CDYL2: variants seen among roughly 807,000 people sequenced by gnomAD.
CDYL2 encodes chromodomain Y-like protein 2.
A neutral mutation model predicts 49.4 loss-of-function variants in CDYL2; 23 were observed. The ratio of observed to expected loss-of-function variants is 0.47; its 90% confidence interval spans 0.34 to 0.66. The LOEUF (loss-of-function observed/expected upper bound fraction) is 0.66. Among genes scored for constraint, CDYL2 ranks in the 30% least tolerant of loss-of-function variants. The pLI is 0.01. For missense variants in CDYL2, 678 were observed against 656.4 expected, an observed-to-expected ratio of 1.03 and a Z score of -0.36; for synonymous variants, 360 against 268.8, an observed-to-expected ratio of 1.34 and a Z score of -3.32.
chr16:80,775,424 A>G (rs2142399241), intron 1 of CDYL2, among the ~76,000 whole-genome samples: 1 of 152,098 alleles, frequency 6.6e-6, no homozygotes, highest in South Asian at 2.1e-4. Flanking sequence ...GAAGAAATAA[A>G]GTGTCTAAGG....
chr16:80,608,024 C>T, intron 6 of CDYL2, 68 bp downstream of exon 6: 2 of 1,480,044 alleles, frequency 1.4e-6, no homozygotes, highest in Non-Finnish European at 1.8e-6. Flanking sequence ...GCCCTCTGAG[C>T]CTTGCTGTCT....
intron 2 of CDYL2, among the ~76,000 whole-genome samples, chr16:80,677,467 A>G (rs913209947): frequency 9.2e-5 from 14 of 152,116 alleles, no homozygotes; most frequent in Admixed American, 2.0e-4. Context: ...GGCCAGGCGC[A>G]GTGGCGCACG....
intron 2 of CDYL2, among the ~76,000 whole-genome samples, chr16:80,670,732 C>G (rs1452225830): frequency 6.6e-6 from 1 of 152,088 alleles, no homozygotes; most frequent in Non-Finnish European, 1.5e-5. Flanking sequence ...GATTTTCTTT[C>G]TGGGACAGGA....
intron 3 of CDYL2, among the ~76,000 whole-genome samples, chr16:80,629,235 T>C (rs1192730083): frequency 6.6e-6 from 1 of 152,152 alleles, no homozygotes; most frequent in Admixed American, 6.5e-5. Context: ...GCCTGCCTTA[T>C]GCAGAATGGA....
At chr16:80,636,654 C>A (rs1212752502) in intron 2 of CDYL2, among the ~76,000 whole-genome samples, 1 of 152,126 alleles carries the variant, frequency 6.6e-6, no homozygotes, top group Non-Finnish European at 1.5e-5. Context: ...GGCGATTCCT[C>A]AAGGATCTAG....
chr16:80,607,034 A>G (rs1200011078), intron 6 of CDYL2, among the ~76,000 whole-genome samples: 1 of 152,172 alleles, frequency 6.6e-6, no homozygotes, highest in Admixed American at 6.5e-5. Flanking sequence ...CAGGATTTTC[A>G]GTCCTCACAC....
chr16:80,751,492 G>C (rs1906135776), intron 1 of CDYL2, among the ~76,000 whole-genome samples: 1 of 152,210 alleles, frequency 6.6e-6, no homozygotes, highest in Admixed American at 6.5e-5. Context: ...GCTTTCAACA[G>C]TTTTACAGAG....
chr16:80,771,192 A>T (rs188028859), intron 1 of CDYL2, among the ~76,000 whole-genome samples: 19 of 152,340 alleles, frequency 1.2e-4, no homozygotes, highest in African/African-American at 4.6e-4. Context: ...AAGTAAAACC[A>T]CACTAGGCCT....
intron 1 of CDYL2, among the ~76,000 whole-genome samples, chr16:80,700,720 GA>G (rs1237029679): frequency 1.3e-5 from 2 of 152,200 alleles, no homozygotes; most frequent in African/African-American, 4.8e-5. Flanking sequence ...ACCCTTTAGG[GA>G]AGGTAATTTA....
intron 2 of CDYL2, among the ~76,000 whole-genome samples, chr16:80,674,238 T>C (rs1043920157): frequency 8.5e-5 from 13 of 152,170 alleles, no homozygotes; most frequent in Non-Finnish European, 1.8e-4. Context: ...TCTGTGACAC[T>C]TGGACTAACT....
intron 1 of CDYL2, among the ~76,000 whole-genome samples, chr16:80,691,650 G>C (rs1037943055): frequency 2.0e-5 from 3 of 152,160 alleles, no homozygotes; most frequent in African/African-American, 4.8e-5. Context: ...TAAAACATAA[G>C]AACATGATCA....
intron 1 of CDYL2, among the ~76,000 whole-genome samples, chr16:80,785,237 CCTT>C (rs1376115607): frequency 6.6e-6 from 1 of 152,150 alleles, no homozygotes; most frequent in Non-Finnish European, 1.5e-5. Flanking sequence ...CCCAAAATCT[CCTT>C]AAGCTGATAA....
intron 1 of CDYL2, among the ~76,000 whole-genome samples, chr16:80,743,690 G>A (rs1159675096): frequency 6.6e-6 from 1 of 151,832 alleles, no homozygotes; most frequent in East Asian, 1.9e-4. Context: ...TTTGTTTTTT[G>A]GGGGTTTTTT....
chr16:80,769,514 G>A (rs1363008133), intron 1 of CDYL2, among the ~76,000 whole-genome samples: 1 of 152,198 alleles, frequency 6.6e-6, no homozygotes, highest in Non-Finnish European at 1.5e-5. Flanking sequence ...AGCCAAGTGG[G>A]TTAGAGAATG....
Position 80,634,689 on chromosome 16 carries a change from A to AAT in CDYL2, c.617-1454_617-1453insAT, listed in dbSNP as rs1907737018. ...AGGATAATAAAGAAATACTAAGAAA[A>AAT]ACTGCTCTGCCCATGTATTTGATAA... is the stretch of plus-strand genomic sequence containing the variant. On this transcript the variant is annotated intron_variant, in intron 2 of 6. Transcript: ENST00000570137. Among the ~76,000 whole-genome samples the AAT allele has an allele frequency of 3.3e-5, 5 of 152,264 alleles. No homozygotes were observed. In the South Asian group the frequency reaches 1.0e-3, roughly 32 times the overall value.
At chr16:80,754,282 C>A (rs896178655) in intron 1 of CDYL2, among the ~76,000 whole-genome samples, 1 of 152,148 alleles carries the variant, frequency 6.6e-6, no homozygotes, top group African/African-American at 2.4e-5. Flanking sequence ...AGAGGAGCTA[C>A]AACCAACAGG....
At chr16:80,783,929 G>A (rs879617703) in intron 1 of CDYL2, among the ~76,000 whole-genome samples, 17 of 152,264 alleles carry the variant, frequency 1.1e-4, no homozygotes, top group Middle Eastern at 3.4e-3. Context: ...ATAGGCATGC[G>A]GTTTCCGCTA....
intron 2 of CDYL2, among the ~76,000 whole-genome samples, chr16:80,653,003 T>C (rs922075739): frequency 2.0e-4 from 31 of 152,332 alleles, no homozygotes; most frequent in African/African-American, 7.5e-4. Context: ...GAAACCTAAA[T>C]AAAGTATGAA....
rs185932823 is a variant in CDYL2, at chr16:80,636,259, G to T, written c.617-3023C>A. ...TGTACAGCAAAAGAAACTATCACGAGAGTGAACAGGCAACCTACAGAATGG... is the reference window on the plus strand; with the variant it reads ...TGTACAGCAAAAGAAACTATCACGATAGTGAACAGGCAACCTACAGAATGG... On this transcript the variant is annotated intron_variant, in intron 2 of 6. Transcript: ENST00000570137. 5.2e-3 allele frequency among the ~76,000 whole-genome samples: 793 copies of T among 152,280 alleles called. 7 individuals carry two copies. Among genetic ancestry groups the T allele is most frequent in the African/African-American group, 0.017 (720 of 41,562 alleles).
Sources: gnomAD v4.1 joint callset for allele counts (sites outside exome capture counted in the v4.1 genomes callset) on GRCh38, gnomAD v4.1.1 for gene constraint, MANE v1.5 for transcripts, NCBI Gene and HGNC (gene_info 2026-07-23, HGNC 2026-07-21) for gene names.